The following CCDC192 variants were observed in gnomAD, a reference collection of about 807,000 sequenced individuals.
CCDC192 encodes the protein coiled-coil domain-containing protein 192.
chr5:127,835,356 A>G (rs1338651502), intron 5 of CCDC192, among the ~76,000 whole-genome samples: 3 of 152,210 alleles, frequency 2.0e-5, no homozygotes, highest in South Asian at 2.1e-4. Context: ...TTTTCTCAGC[A>G]TGTTCCTTTT....
Position 127,768,895 on chromosome 5 carries a change from A to C in CCDC192, c.222+14520A>C, listed in dbSNP as rs144426543. Among the ~76,000 whole-genome samples the C allele has an allele frequency of 6.8e-3, 1,042 of 152,306 alleles. 12 individuals are homozygous for C. Among genetic ancestry groups the C allele is most frequent in the African/African-American group, 0.024 (998 of 41,554 alleles). Reference sequence around the variant, plus strand: ...CAGGTAATTTTTAAAGTGCTTGCCAATGTTATTTACTGCCAGGAAATTTCC... The same window carrying C: ...CAGGTAATTTTTAAAGTGCTTGCCACTGTTATTTACTGCCAGGAAATTTCC... On this transcript the variant is annotated intron_variant, in intron 3 of 6. Coordinates refer to ENST00000514853, the MANE Select transcript of CCDC192 (RefSeq NM_001317938.2).
At chr5:127,739,014 T>G (rs966547929) in intron 2 of CCDC192, among the ~76,000 whole-genome samples, 1 of 152,190 alleles carries the variant, frequency 6.6e-6, no homozygotes, top group Non-Finnish European at 1.5e-5. Flanking sequence ...CTCTGCTTTT[T>G]AGAGTTTCCA....
At chr5:127,786,099 T>G (rs1051144069) in intron 3 of CCDC192, 3 of 940,286 alleles carry the variant, frequency 3.2e-6, no homozygotes, top group African/African-American at 3.3e-5. Context: ...GTCCCAAATC[T>G]TCATTTTTGT....
At chr5:127,731,566 T>G (rs1047926090) in intron 2 of CCDC192, among the ~76,000 whole-genome samples, 3 of 152,196 alleles carry the variant, frequency 2.0e-5, no homozygotes, top group African/African-American at 7.2e-5. Flanking sequence ...AAGACAATTC[T>G]AAGCAAACAG....
At chr5:127,781,088 T>C (rs1756190012) in intron 3 of CCDC192, among the ~76,000 whole-genome samples, 1 of 152,134 alleles carries the variant, frequency 6.6e-6, no homozygotes, top group African/African-American at 2.4e-5. Flanking sequence ...AAAAAGGGTG[T>C]CCTTTCCCTA....
chr5:127,799,190 T>A (rs1047528951), intron 5 of CCDC192, among the ~76,000 whole-genome samples: 1 of 152,158 alleles, frequency 6.6e-6, no homozygotes, highest in Non-Finnish European at 1.5e-5. Flanking sequence ...TCCAAAAGAC[T>A]GCAAGATAAT....
rs577669643 is a variant in CCDC192, at chr5:127,736,688, T to G, written c.115-17580T>G. ...TGTATGTGTCCAGGAATTTATCCATTTCTTCTAGATTTTCTAGTTTATTTG... is the reference window on the plus strand; with the variant it reads ...TGTATGTGTCCAGGAATTTATCCATGTCTTCTAGATTTTCTAGTTTATTTG... On this transcript the variant is annotated intron_variant, in intron 2 of 6. Coordinates refer to ENST00000514853, the MANE Select transcript of CCDC192 (RefSeq NM_001317938.2). 1.5e-3 allele frequency among the ~76,000 whole-genome samples: 222 copies of G among 151,850 alleles called. 1 individual carries two copies. The highest frequency in any genetic ancestry group is 5.2e-3 in the African/African-American group (213 of 41,200).
At chr5:127,768,035 C>T (rs1278052615) in intron 3 of CCDC192, among the ~76,000 whole-genome samples, 4 of 151,906 alleles carry the variant, frequency 2.6e-5, no homozygotes, top group Admixed American at 6.6e-5. Flanking sequence ...GGGCGGATCA[C>T]GAGGTCAGGA....
intron 6 of CCDC192, among the ~76,000 whole-genome samples, chr5:127,915,192 C>T (rs1449872056): frequency 6.6e-6 from 1 of 151,854 alleles, no homozygotes; most frequent in Admixed American, 6.5e-5. Flanking sequence ...TGTAGTCTAC[C>T]AAGTGTGCAA....
At chr5:127,887,509 G>A (rs1021259979) in intron 6 of CCDC192, among the ~76,000 whole-genome samples, 1 of 151,948 alleles carries the variant, frequency 6.6e-6, no homozygotes, top group African/African-American at 2.4e-5. Context: ...TATCCCAGCT[G>A]ACCAGAACAA....
intron 2 of CCDC192, 83 bp from the exon 3 acceptor site, chr5:127,754,185 T>C (rs1754424415): frequency 2.5e-6 from 1 of 395,096 alleles, no homozygotes; most frequent in South Asian, 1.3e-4. Flanking sequence ...CTCTTATGGA[T>C]CTTATCAAGT....
chr5:127,706,168 TAAAAC>T (rs1335924077), intron 1 of CCDC192, among the ~76,000 whole-genome samples: 1 of 152,098 alleles, frequency 6.6e-6, no homozygotes, highest in Non-Finnish European at 1.5e-5. Flanking sequence ...AATATGGAAA[TAAAAC>T]AATGTATTCA....
chr5:127,788,531 T>A (rs1561489061), intron 3 of CCDC192, among the ~76,000 whole-genome samples: 1 of 152,220 alleles, frequency 6.6e-6, no homozygotes, highest in African/African-American at 2.4e-5. Flanking sequence ...TTACTAATAA[T>A]AAAGAACATA....
At chr5:127,840,639 A>G (rs985570103) in intron 5 of CCDC192, among the ~76,000 whole-genome samples, 36 of 152,058 alleles carry the variant, frequency 2.4e-4, no homozygotes, top group African/African-American at 8.4e-4. Context: ...ATTATTTCAC[A>G]TTTTTTTGAG....
At chr5:127,887,033 TA>T (rs1347126165) in intron 6 of CCDC192, among the ~76,000 whole-genome samples, 1 of 152,122 alleles carries the variant, frequency 6.6e-6, no homozygotes, top group Non-Finnish European at 1.5e-5. Flanking sequence ...TATATTATCT[TA>T]ACTCTTAAAA....
intron 5 of CCDC192, among the ~76,000 whole-genome samples, chr5:127,810,573 C>T (rs1758026677): frequency 6.6e-6 from 1 of 152,124 alleles, no homozygotes; most frequent in Non-Finnish European, 1.5e-5. Flanking sequence ...CAAAAGTTGG[C>T]TGTAGTCTTT....
intron 5 of CCDC192, among the ~76,000 whole-genome samples, chr5:127,802,935 G>A (rs1757582220): frequency 6.6e-6 from 1 of 152,278 alleles, no homozygotes; most frequent in Middle Eastern, 3.4e-3. Context: ...AATTTAATGA[G>A]GCTGACTCTT....
chr5:127,834,189 A>G (rs1430948082), intron 5 of CCDC192, among the ~76,000 whole-genome samples: 1 of 152,160 alleles, frequency 6.6e-6, no homozygotes, highest in African/African-American at 2.4e-5. Context: ...GGAATCTACA[A>G]AACAGATTAC....
intron 5 of CCDC192, among the ~76,000 whole-genome samples, chr5:127,816,137 A>T (rs1034419607): frequency 4.6e-5 from 7 of 152,306 alleles, no homozygotes; most frequent in African/African-American, 1.7e-4. Context: ...TTGGCAAAGA[A>T]ATCATGATTT....
Sources: gnomAD v4.1 joint callset for allele counts (sites outside exome capture counted in the v4.1 genomes callset) on GRCh38, gnomAD v4.1.1 for gene constraint, MANE v1.5 for transcripts, NCBI Gene and HGNC (gene_info 2026-07-23, HGNC 2026-07-21) for gene names.